The following BBX variants were observed in gnomAD, a reference collection of about 807,000 sequenced individuals.
BBX encodes the protein HMG box transcription factor BBX.
BBX carries 30 observed loss-of-function variants against 100.2 expected under a neutral mutation model. The observed-to-expected ratio is 0.30, with a 90% CI of 0.22 to 0.41. The LOEUF is 0.41. BBX is among the 10% of genes least tolerant of loss of function. BBX has a pLI of 1.00. For synonymous variants in BBX, 376 were observed against 388.1 expected, an observed-to-expected ratio of 0.97 and a Z score of 0.37; for missense variants, 1,023 against 1,129.8, an observed-to-expected ratio of 0.91 and a Z score of 1.35.
intron 3 of BBX, among the ~76,000 whole-genome samples, chr3:107,683,198 T>G (rs1559963895): frequency 1.3e-5 from 2 of 152,112 alleles, no homozygotes; most frequent in African/African-American, 4.8e-5. Flanking sequence ...TGGAAAATAT[T>G]TTTATTGATT....
intron 2 of BBX, among the ~76,000 whole-genome samples, chr3:107,617,560 A>G (rs575491041): frequency 6.6e-6 from 1 of 151,916 alleles, no homozygotes; most frequent in Non-Finnish European, 1.5e-5. Context: ...TTCCATCAGC[A>G]TTTTACAGTT....
chr3:107,755,531 T>G (rs746679039), intron 9 of BBX, 67 bp from the exon 10 acceptor site: 92 of 1,404,450 alleles, frequency 6.6e-5, no homozygotes, highest in Non-Finnish European at 9.2e-5. Context: ...CCTGAATGTA[T>G]ATGAATGAGA....
chr3:107,526,101 C>T (rs1576165280), intron 1 of BBX, among the ~76,000 whole-genome samples: 2 of 152,114 alleles, frequency 1.3e-5, no homozygotes, highest in East Asian at 3.9e-4. Flanking sequence ...CCTAGAATGC[C>T]AGTTGGGTTG....
At chr3:107,785,857 G>T (rs978854268) in intron 13 of BBX, among the ~76,000 whole-genome samples, 7 of 151,978 alleles carry the variant, frequency 4.6e-5, no homozygotes, top group Non-Finnish European at 8.8e-5. Context: ...GAAACAAAAG[G>T]TGTCTAGATT....
intron 3 of BBX, among the ~76,000 whole-genome samples, chr3:107,692,127 A>G (rs1426322546): frequency 1.3e-5 from 2 of 151,612 alleles, no homozygotes; most frequent in African/African-American, 2.4e-5. Context: ...TAAAATTATA[A>G]TTAGATATCA....
At chr3:107,761,365 G>T (rs1258589183) in intron 10 of BBX, among the ~76,000 whole-genome samples, 1 of 152,278 alleles carries the variant, frequency 6.6e-6, no homozygotes, top group Non-Finnish European at 1.5e-5. Flanking sequence ...TTGGGACGGT[G>T]TTACACAGTG....
chr3:107,713,972 T>TC (rs1560023939), intron 4 of BBX, among the ~76,000 whole-genome samples: 3 of 89,700 alleles, frequency 3.3e-5, no homozygotes, highest in African/African-American at 6.7e-5. Context: ...TTTTTCTTTT[T>TC]TTTTTTTTTT....
chr3:107,641,091 T>C (rs796538239), intron 2 of BBX, among the ~76,000 whole-genome samples: 5 of 150,220 alleles, frequency 3.3e-5, no homozygotes, highest in African/African-American at 1.2e-4. Context: ...TTCTTTCTTT[T>C]TTTTTTTTTT....
chr3:107,559,724 G>C (rs1030332617), intron 2 of BBX, among the ~76,000 whole-genome samples: 2 of 152,180 alleles, frequency 1.3e-5, no homozygotes, highest in Non-Finnish European at 2.9e-5. Flanking sequence ...GAGGGAGTCA[G>C]TGTTATTAGG....
chr3:107,747,825 C>G lies in BBX; in HGVS notation c.751-140C>G, dbSNP rs149466501. On this transcript the variant is annotated intron_variant, in intron 8 of 17. Coordinates refer to ENST00000325805, the MANE Select transcript of BBX (RefSeq NM_001142568.3). Reference sequence around the variant, plus strand: ...CCTTTGTCTTCCCTTATCATTTATACTGCTCTTCTAAAGGGATTGAGGGTA... The same window carrying G: ...CCTTTGTCTTCCCTTATCATTTATAGTGCTCTTCTAAAGGGATTGAGGGTA... The G allele has an allele frequency of 4.8e-3, 2,828 of 594,590 alleles. 12 individuals carry two copies. Among genetic ancestry groups the G allele is most frequent in the Admixed American group, 7.8e-3 (238 of 30,508 alleles). The allele number at this position is 594,590 out of a possible 1,614,324, so 36.8% of individuals were successfully genotyped here.
intron 14 of BBX, among the ~76,000 whole-genome samples, chr3:107,790,961 C>T (rs1009307325): frequency 6.6e-6 from 1 of 152,048 alleles, no homozygotes; most frequent in Non-Finnish European, 1.5e-5. Flanking sequence ...TTTTTCATTC[C>T]GTTTTACTGA....
chr3:107,544,250 C>A (rs1450646729), intron 2 of BBX, among the ~76,000 whole-genome samples: 4 of 152,130 alleles, frequency 2.6e-5, no homozygotes, highest in Non-Finnish European at 5.9e-5. Flanking sequence ...AAAAAAGTTA[C>A]CTCTTTTTGT....
intron 2 of BBX, among the ~76,000 whole-genome samples, chr3:107,556,526 T>C (rs1353600532): frequency 6.6e-6 from 1 of 152,142 alleles, no homozygotes; most frequent in Non-Finnish European, 1.5e-5. Flanking sequence ...AGTTATTCCT[T>C]TGATTAACAG....
chr3:107,804,062 C>T (rs2070821066), intron 17 of BBX, among the ~76,000 whole-genome samples: 1 of 151,346 alleles, frequency 6.6e-6, no homozygotes, highest in South Asian at 2.1e-4. Context: ...AAGAGCTGAA[C>T]ATATTGAACA....
At position 107,584,672 on chromosome 3, in the gene BBX, C is replaced by CT. The variant is rs58393281; in HGVS notation, c.-84+58310dup. Among the ~76,000 whole-genome samples the CT allele has an allele frequency of 1.3e-3, 38 of 28,372 alleles. 11 individuals carry two copies. Among genetic ancestry groups the CT allele is most frequent in the African/African-American group, 3.8e-3 (29 of 7,538 alleles). The allele number at this position is 28,372 out of a possible 152,430, so 18.6% of individuals were successfully genotyped here. ...TAAAAAGTGATTTTTCCGTTGAAAT[C>CT]TTTTTTTTTTTTTTTTTTTTTTTTT... On this transcript the variant is annotated intron_variant, in intron 2 of 17. Transcript: ENST00000325805.
intron 6 of BBX, among the ~76,000 whole-genome samples, chr3:107,730,349 A>G (rs547068104): frequency 7.9e-4 from 121 of 152,270 alleles, no homozygotes; most frequent in African/African-American, 2.8e-3. Flanking sequence ...ACTTTCTAAC[A>G]TATCTTATTA....
intron 9 of BBX, among the ~76,000 whole-genome samples, chr3:107,748,540 G>A (rs2064812136): frequency 6.6e-6 from 1 of 152,132 alleles, no homozygotes; most frequent in Admixed American, 6.6e-5. Context: ...GATCAGATCA[G>A]CTTTTGTAAG....
intron 16 of BBX, among the ~76,000 whole-genome samples, chr3:107,800,144 G>T (rs537127375): frequency 6.6e-6 from 1 of 152,166 alleles, no homozygotes; most frequent in Non-Finnish European, 1.5e-5. Context: ...AATTCAAAGA[G>T]GTGGAAGTTT....
At chr3:107,682,191 C>A (rs866847908) in intron 3 of BBX, among the ~76,000 whole-genome samples, 1 of 152,012 alleles carries the variant, frequency 6.6e-6, no homozygotes, top group Non-Finnish European at 1.5e-5. Context: ...GAAGGAAAGA[C>A]GACTTAAGTT....
Sources: allele counts gnomAD v4.1 joint callset (sites outside exome capture counted in the v4.1 genomes callset), GRCh38; gene constraint gnomAD v4.1.1; transcripts MANE v1.5; gene names NCBI Gene and HGNC (gene_info 2026-07-23, HGNC 2026-07-21).